Variants in CMC1 observed in about 807,000 individuals in gnomAD.
CMC1 encodes COX assembly mitochondrial protein homolog.
A neutral mutation model predicts 14.1 loss-of-function variants in CMC1; 14 were observed. The ratio of observed to expected loss-of-function variants is 0.99; its 90% CI spans 0.66 to 1.55. The LOEUF (loss-of-function observed/expected upper bound fraction) is 1.55. CMC1 is among the 40% of genes most tolerant of loss of function. The pLI, the probability that CMC1 is intolerant of heterozygous loss-of-function variation, is 0.00. For missense variants in CMC1, 127 were observed against 123.8 expected, an observed-to-expected ratio of 1.03 and a Z score of -0.12; for synonymous variants, 50 against 38.4, an observed-to-expected ratio of 1.30 and a Z score of -1.12.
At chr3:28,268,384 G>C (rs986630701) in intron 2 of CMC1, among the ~76,000 whole-genome samples, 2 of 152,176 alleles carry the variant, frequency 1.3e-5, no homozygotes, top group Non-Finnish European at 2.9e-5. Context: ...AATTTCTCCA[G>C]CACTGTATTG....
intron 2 of CMC1, among the ~76,000 whole-genome samples, chr3:28,305,218 A>G (rs1302809113): frequency 6.6e-6 from 1 of 152,112 alleles, no homozygotes; most frequent in Admixed American, 6.5e-5. Context: ...CACTTAGGAT[A>G]ATGGCCTCCA....
chr3:28,308,754 G>A (rs1321996752), intron 2 of CMC1, among the ~76,000 whole-genome samples: 1 of 152,144 alleles, frequency 6.6e-6, no homozygotes, highest in African/African-American at 2.4e-5. Flanking sequence ...GGAGGCCGAG[G>A]TGGGCGGATC....
intron 2 of CMC1, among the ~76,000 whole-genome samples, chr3:28,284,320 T>C (rs1701056750): frequency 6.6e-6 from 1 of 152,210 alleles, no homozygotes; most frequent in African/African-American, 2.4e-5. Context: ...GTTTAGATGA[T>C]GAGATTCAAA....
At chr3:28,291,775 A>G (rs1474689800) in intron 2 of CMC1, 2 of 151,978 alleles carry the variant, frequency 1.3e-5, no homozygotes, top group African/African-American at 4.8e-5. Flanking sequence ...TACTTTCCTG[A>G]AGCCTGAGGG....
At chr3:28,297,764 G>A (rs996784071) in intron 2 of CMC1, among the ~76,000 whole-genome samples, 3 of 151,976 alleles carry the variant, frequency 2.0e-5, no homozygotes, top group Non-Finnish European at 2.9e-5. Flanking sequence ...TGATGATTCT[G>A]TATTTCCAGT....
intron 2 of CMC1, among the ~76,000 whole-genome samples, chr3:28,290,491 TCATCCC>T (rs929572874): frequency 4.6e-5 from 7 of 152,138 alleles, no homozygotes; most frequent in African/African-American, 1.4e-4. Flanking sequence ...AGCCTGATTT[TCATCCC>T]CACCCCACCT....
chr3:28,324,463 A>G lies in CMC1; in HGVS notation c.*4834A>G. 1 of 1,454,908 alleles carries G rather than the reference A, an allele frequency of 6.9e-7. No homozygotes were observed. Among genetic ancestry groups the G allele is most frequent in the Non-Finnish European group, 9.1e-7 (1 of 1,097,298 alleles). The allele number at this position is 1,454,908 out of a possible 1,614,324, so 90.1% of individuals were successfully genotyped here. A position where few individuals can be genotyped will look rare whatever the true frequency, so the allele number is the denominator to read the frequency against. On this transcript the variant is annotated 3_prime_UTR_variant, in exon 4 of 4. Transcript: ENST00000466830. ...TCCTACAGGGGCACAGGCTAAAAAGAAAACACAGACTAAATGTCAGTTTTC... is the reference window on the plus strand; with the variant it reads ...TCCTACAGGGGCACAGGCTAAAAAGGAAACACAGACTAAATGTCAGTTTTC...
intron 3 of CMC1, chr3:28,319,075 T>C (rs1183204458): frequency 2.8e-6 from 1 of 355,394 alleles, no homozygotes. Context: ...TCCTCATCCA[T>C]GTGTCTTCCC....
At chr3:28,294,177 C>T (rs1701627094) in intron 2 of CMC1, among the ~76,000 whole-genome samples, 1 of 152,024 alleles carries the variant, frequency 6.6e-6, no homozygotes, top group Admixed American at 6.6e-5. Context: ...ATTAATGATA[C>T]ATAACTGTGG....
chr3:28,248,664 AG>A (rs1698956718), intron 1 of CMC1, among the ~76,000 whole-genome samples: 1 of 152,192 alleles, frequency 6.6e-6, no homozygotes, highest in Non-Finnish European at 1.5e-5. Flanking sequence ...AAAATTCTGT[AG>A]ATGTCAAAAA....
rs1698716206 is a variant in CMC1, at chr3:28,244,678, G to T, written c.19+2866G>T. 5.3e-5 allele frequency among the ~76,000 whole-genome samples: 8 copies of T among 151,908 alleles called. No homozygotes were observed. In the South Asian group the frequency reaches 1.7e-3, roughly 32 times the overall value. On this transcript the variant is annotated intron_variant, in intron 1 of 3. Transcript: ENST00000466830. ...AAGGCAGCGGTTGCAGTGAGCCGAG[G>T]TTGCGCCACTGCACTCCAGCTTGGG...
At chr3:28,287,719 G>T (rs891898173) in intron 2 of CMC1, among the ~76,000 whole-genome samples, 2 of 151,380 alleles carry the variant, frequency 1.3e-5, no homozygotes, top group Non-Finnish European at 3.0e-5. Context: ...GTTATATTGA[G>T]CTTTTCTATT....
At position 28,319,739 on chromosome 3, in the gene CMC1, A is replaced by T; in HGVS notation, c.*110A>T. 1.1e-6 allele frequency: 1 copy of T among 893,116 alleles called. No homozygotes were observed. The allele number at this position is 893,116 out of a possible 1,614,324, so 55.3% of individuals were successfully genotyped here. ...TTTGCTTTACCTTAATTATGGAAAT[A>T]TTAACTTTATCTGAAATAAATATTT... On this transcript the variant is annotated 3_prime_UTR_variant, in exon 4 of 4. Coordinates refer to ENST00000466830, the MANE Select transcript of CMC1 (RefSeq NM_182523.2).
intron 1 of CMC1, among the ~76,000 whole-genome samples, chr3:28,262,882 A>C (rs1699805572): frequency 6.6e-6 from 1 of 152,260 alleles, no homozygotes; most frequent in Non-Finnish European, 1.5e-5. Flanking sequence ...TCTTACTACT[A>C]GGTAGAAAAA....
intron 1 of CMC1, among the ~76,000 whole-genome samples, chr3:28,258,250 C>T (rs971910795): frequency 6.6e-6 from 1 of 150,920 alleles, no homozygotes; most frequent in Non-Finnish European, 1.5e-5. Flanking sequence ...CTGTGGCATG[C>T]CTTTTTAAAA....
At chr3:28,268,123 A>G (rs1170116219) in intron 2 of CMC1, among the ~76,000 whole-genome samples, 3 of 152,234 alleles carry the variant, frequency 2.0e-5, no homozygotes, top group Non-Finnish European at 1.5e-5. Context: ...ACAAGTAGAT[A>G]TAAGGCACAG....
intron 2 of CMC1, among the ~76,000 whole-genome samples, chr3:28,293,252 G>C (rs1269556931): frequency 6.6e-6 from 1 of 151,836 alleles, no homozygotes; most frequent in East Asian, 1.9e-4. Context: ...GGATGGAGGA[G>C]TTGATATTAG....
chr3:28,318,974 C>T, intron 3 of CMC1: 1 of 229,830 alleles, frequency 4.4e-6, no homozygotes, highest in Non-Finnish European at 8.9e-6. Context: ...GACTTTTGCC[C>T]ATTCCATCTT....
At chr3:28,281,847 A>G (rs1700911297) in intron 2 of CMC1, among the ~76,000 whole-genome samples, 1 of 152,312 alleles carries the variant, frequency 6.6e-6, no homozygotes, top group African/African-American at 2.4e-5. Flanking sequence ...ATTTCAGACC[A>G]GAGACCCAGG....
Sources: allele counts gnomAD v4.1 joint callset (sites outside exome capture counted in the v4.1 genomes callset), GRCh38; gene constraint gnomAD v4.1.1; transcripts MANE v1.5; gene names NCBI Gene and HGNC (gene_info 2026-07-23, HGNC 2026-07-21).